The following ATP1A2 variants were observed in gnomAD, a reference collection of about 807,000 sequenced individuals.
The protein encoded by ATP1A2 is sodium/potassium-transporting ATPase subunit alpha-2.
ATP1A2 carries 56 observed loss-of-function variants against 113.1 expected under a neutral mutation model. The observed-to-expected ratio is 0.49, with a 90% CI of 0.40 to 0.62. The LOEUF (loss-of-function observed/expected upper bound fraction) is 0.62. Ranked by LOEUF, ATP1A2 falls within the 20% of genes least tolerant of loss-of-function variation. The pLI, the probability that ATP1A2 is intolerant of heterozygous loss-of-function variation, is 0.00. For missense variants in ATP1A2, 712 were observed against 1,357.8 expected, an observed-to-expected ratio of 0.52 and a Z score of 7.47; for synonymous variants, 490 against 526.8, an observed-to-expected ratio of 0.93 and a Z score of 0.96.
At chr1:160,140,033 C>A (rs1162818857) in intron 22 of ATP1A2, 49 bp downstream of exon 22, 2 of 1,570,654 alleles carry the variant, frequency 1.3e-6, no homozygotes, top group African/African-American at 1.4e-5. Context: ...CCACCACCAG[C>A]TCCTCCCTCC....
rs781317392 is a variant in ATP1A2, at chr1:160,128,531, CA to C, written c.1018-120del. 8 of 1,561,042 alleles carry C rather than the reference CA, an allele frequency of 5.1e-6. No homozygotes were observed. In the East Asian group the frequency reaches 1.7e-4, roughly 33 times the overall value. ...ACATTCATTATTTACAGCTAAGTCCCACCCATTCAAGTTAGTGGAGTAGAAT... is the reference window on the plus strand; with the variant it reads ...ACATTCATTATTTACAGCTAAGTCCCCCCATTCAAGTTAGTGGAGTAGAAT... On this transcript the variant is annotated intron_variant, in intron 8 of 22. Coordinates refer to ENST00000361216, the MANE Select transcript of ATP1A2 (RefSeq NM_000702.4).
chr1:160,116,551 C>G (rs1264536267), intron 1 of ATP1A2, among the ~76,000 whole-genome samples: 4 of 146,348 alleles, frequency 2.7e-5, no homozygotes, highest in African/African-American at 5.1e-5. Context: ...ACCCCCCCCC[C>G]AGTCCACCCG....
At chr1:160,140,913 A>G (rs1652127568) in intron 22 of ATP1A2, 1 of 239,578 alleles carries the variant, frequency 4.2e-6, no homozygotes, top group African/African-American at 2.7e-5. Context: ...CCAGGAGTGC[A>G]GTGCAGTGGC....
chr1:160,130,734 T>A, intron 13 of ATP1A2, 137 bp downstream of exon 13: 1 of 1,286,012 alleles, frequency 7.8e-7, no homozygotes, highest in South Asian at 1.4e-5. Context: ...GCTGTCCATC[T>A]GCAAGGAAAG....
chr1:160,128,368 C>A (rs1205498110), intron 8 of ATP1A2: 1 of 779,080 alleles, frequency 1.3e-6, no homozygotes. Context: ...TGCAGTGTCC[C>A]TTCTGTGTTG....
intron 7 of ATP1A2, among the ~76,000 whole-genome samples, chr1:160,125,732 G>A (rs1284463949): frequency 6.6e-6 from 1 of 152,222 alleles, no homozygotes; most frequent in Non-Finnish European, 1.5e-5. Flanking sequence ...AACACTTGGG[G>A]CCTACTTCAG....
At position 160,141,600 on chromosome 1, in the gene ATP1A2, G is replaced by A; in HGVS notation, c.*278G>A. The A allele has an allele frequency of 2.0e-6, 1 of 505,650 alleles. No homozygotes were observed. Among genetic ancestry groups the A allele is most frequent in the Non-Finnish European group, 3.6e-6 (1 of 276,770 alleles). The allele number at this position is 505,650 out of a possible 1,614,324, so 31.3% of individuals were successfully genotyped here. A position where few individuals can be genotyped will look rare whatever the true frequency, so the allele number is the denominator to read the frequency against. On this transcript the variant is annotated 3_prime_UTR_variant, in exon 23 of 23. Transcript: ENST00000361216. ...CACTATGTTGTCTATTTTTTCTGAGGAATTAAGGGTTACCCCACCCTGCCC... is the reference window on the plus strand; with the variant it reads ...CACTATGTTGTCTATTTTTTCTGAGAAATTAAGGGTTACCCCACCCTGCCC...
At position 160,123,371 on chromosome 1, in the gene ATP1A2, C is replaced by T; in HGVS notation, c.336C>T (p.Ala112=). The change falls in exon 4 of 23, where the codon GCC becomes GCT. Residue 112 remains alanine, a synonymous_variant. Coordinates refer to ENST00000361216, the MANE Select transcript of ATP1A2 (RefSeq NM_000702.4). ...TTGGGGCTATCCTCTGCTTCCTGGC[C>T]TACGGCATCCAGGCTGCCATGGAGG... is the stretch of plus-strand genomic sequence containing the variant. ...LWIGAILCFL[A]YGIQAAMEDE... 1 of 1,614,222 alleles carries T rather than the reference C, an allele frequency of 6.2e-7. No individual in the cohort carries two copies. Among genetic ancestry groups the T allele is most frequent in the Non-Finnish European group, 8.5e-7 (1 of 1,180,048 alleles).
Position 160,125,165 on chromosome 1 carries a change from G to C in ATP1A2, c.660G>C (p.Ser220=), listed in dbSNP as rs564452950. 4 of 1,613,928 alleles carry C rather than the reference G, an allele frequency of 2.5e-6. No homozygotes were observed. The highest frequency in any genetic ancestry group is 2.7e-5 in the African/African-American group (2 of 74,860). Residue 220 remains serine, a synonymous_variant, in exon 7 of 23, where the codon TCG becomes TCC. Transcript: ENST00000361216. ...KVDNSSLTGE[S]EPQTRSPEFT... is the part of the protein sequence containing the mutation. Reference sequence around the variant, plus strand: ...ATAACTCATCCTTAACAGGAGAGTCGGAGCCCCAGACCCGCTCCCCCGAGT... The same window carrying C: ...ATAACTCATCCTTAACAGGAGAGTCCGAGCCCCAGACCCGCTCCCCCGAGT...
chr1:160,127,367 T>G (rs1651617532), intron 7 of ATP1A2, among the ~76,000 whole-genome samples, 185 bp from the exon 8 acceptor site: 1 of 152,244 alleles, frequency 6.6e-6, no homozygotes, highest in African/African-American at 2.4e-5. Flanking sequence ...GTTGTATTGA[T>G]TCAAGGATTG....
chr1:160,125,411 G>A, intron 7 of ATP1A2, 158 bp downstream of exon 7: 1 of 696,906 alleles, frequency 1.4e-6, no homozygotes, highest in African/African-American at 1.8e-5. Flanking sequence ...ACCCTCCACA[G>A]AGCAGGGTAT....
At chr1:160,126,612 G>T (rs1651595633) in intron 7 of ATP1A2, among the ~76,000 whole-genome samples, 1 of 151,972 alleles carries the variant, frequency 6.6e-6, no homozygotes, top group African/African-American at 2.4e-5. Flanking sequence ...GGGACTACAG[G>T]CGCGTGATAC....
Position 160,134,235 on chromosome 1 carries a change from CCA to C in ATP1A2, c.1828-232_1828-231del, listed in dbSNP as rs146388527. On this transcript the variant is annotated intron_variant, in intron 13 of 22. Transcript: ENST00000361216. ...CCCCTCACACACACACAATCCCCAC[CCA>C]CACACACACACACACATCCTACACA... Among the ~76,000 whole-genome samples, 11,524 of 122,878 alleles carry C rather than the reference CCA, an allele frequency of 0.094. 594 individuals are homozygous for C. The highest frequency in any genetic ancestry group is 0.15 in the East Asian group (621 of 4,108). The allele number at this position is 122,878 out of a possible 152,430, so 80.6% of individuals were successfully genotyped here.
rs1652143118 is a variant in ATP1A2, at chr1:160,141,355, T to G, written c.*33T>G. 1.9e-6 allele frequency: 3 copies of G among 1,612,860 alleles called. No homozygotes were observed. Among genetic ancestry groups the G allele is most frequent in the Non-Finnish European group, 2.5e-6 (3 of 1,178,938 alleles). ...GGAAGAAGAACCAGGCATGGAAAGA[T>G]GGGGAGCTCTGGAGGTGTTGTGGGG... On this transcript the variant is annotated 3_prime_UTR_variant, in exon 23 of 23. Coordinates refer to ENST00000361216, the MANE Select transcript of ATP1A2 (RefSeq NM_000702.4).
In ATP1A2 at chr1:160,124,367, G is replaced by A. The variant is rs1651515024; in HGVS notation, c.567G>A (p.Val189=). 2.5e-6 allele frequency: 4 copies of A among 1,612,932 alleles called. No homozygotes were observed. Among genetic ancestry groups the A allele is most frequent in the African/African-American group, 1.3e-5 (1 of 75,008 alleles). ...NAEEVVVGDL[V]EVKGGDRVPA... ...AGGAAGTGGTGGTGGGAGACCTGGT[G>A]GAGGTGAAGGGTGGAGACCGCGTCC... Residue 189 remains valine, a synonymous_variant, in exon 6 of 23, where the codon GTG becomes GTA. Coordinates refer to ENST00000361216, the MANE Select transcript of ATP1A2 (RefSeq NM_000702.4).
rs1044576271 is a variant in ATP1A2 at position 160,130,933 on chromosome 1, G to T, written c.1827+336G>T. Among the ~76,000 whole-genome samples the T allele has an allele frequency of 3.3e-5, 5 of 152,034 alleles. No individual in the cohort carries two copies. The East Asian group carries it at 9.6e-4, about 29-fold the overall frequency. ...AGTTGTCCTACCCTTCCCAACTACTGCCCACCCTCTCTGTCAACTTAGGAT... is the reference window on the plus strand; with the variant it reads ...AGTTGTCCTACCCTTCCCAACTACTTCCCACCCTCTCTGTCAACTTAGGAT... On this transcript the variant is annotated intron_variant, in intron 13 of 22. Transcript: ENST00000361216.
chr1:160,136,892 T>C lies in ATP1A2; in HGVS notation c.2710-9T>C. On this transcript the variant is annotated splice_polypyrimidine_tract_variant and intron_variant, in intron 19 of 22. Transcript: ENST00000361216. Reference sequence around the variant, plus strand: ...CACTCTCATCTGTCTCTGCCCACCCTCCCTCCAGACCTATGAGCAGCGGAA... The same window carrying C: ...CACTCTCATCTGTCTCTGCCCACCCCCCCTCCAGACCTATGAGCAGCGGAA... The C allele has an allele frequency of 6.2e-7, 1 of 1,613,942 alleles. No homozygotes were observed.
chr1:160,130,169 G>T lies in ATP1A2; in HGVS notation c.1529G>T (p.Arg510Leu). 1 of 1,614,196 alleles carries T rather than the reference G, an allele frequency of 6.2e-7. No homozygotes were observed. Among genetic ancestry groups the T allele is most frequent in the African/African-American group, 1.3e-5 (1 of 75,046 alleles). The stretch of plus-strand genomic sequence containing the variant: ...CTGGTGATGAAGGGGGCCCCAGAGC[G>T]CATTCTGGACCGGTGCTCCACCATC... ...HVLVMKGAPERILDRCSTILV... is the reference protein window; with the variant it reads ...HVLVMKGAPELILDRCSTILV... The change falls in exon 12 of 23, where the codon CGC becomes CTC. Residue 510 changes from arginine to leucine, a missense_variant. Physicochemically the swap from Arg to Leu is moderately radical, Grantham distance 102 (BLOSUM62 -2). Transcript: ENST00000361216.
rs1652148630 is a variant in ATP1A2 at position 160,141,471 on chromosome 1, G to T, written c.*149G>T. The T allele has an allele frequency of 3.0e-6, 3 of 1,009,216 alleles. No individual in the cohort carries two copies. Among genetic ancestry groups the T allele is most frequent in the Non-Finnish European group, 3.1e-6 (2 of 651,168 alleles). The allele number at this position is 1,009,216 out of a possible 1,614,324, so 62.5% of individuals were successfully genotyped here. On this transcript the variant is annotated 3_prime_UTR_variant, in exon 23 of 23. Coordinates refer to ENST00000361216, the MANE Select transcript of ATP1A2 (RefSeq NM_000702.4). ...AGGCAACTCAGCAGGCTAAGTTGCG[G>T]GGTATATAAATTGGGGTGATGACCC...
Sources: gnomAD v4.1 joint callset for allele counts (sites outside exome capture counted in the v4.1 genomes callset) on GRCh38, gnomAD v4.1.1 for gene constraint, MANE v1.5 for transcripts, NCBI Gene and HGNC (gene_info 2026-07-23, HGNC 2026-07-21) for gene names.